The following SGMS1 variants were observed in gnomAD, a reference collection of about 807,000 sequenced individuals.
SGMS1 encodes the protein phosphatidylcholine:ceramide cholinephosphotransferase 1.
Under a neutral mutation model 46.2 loss-of-function variants are expected in SGMS1, and 13 were observed. The observed-to-expected ratio is 0.28, with a 90% CI of 0.18 to 0.45. The LOEUF is 0.45. Ranked by LOEUF, SGMS1 falls within the 20% of genes least tolerant of loss-of-function variation. SGMS1 has a pLI of 1.00. For synonymous variants in SGMS1, 203 were observed against 187.8 expected (o/e 1.08, Z -0.66); for missense variants, 324 against 519.9 (o/e 0.62, Z 3.66).
intron 8 of SGMS1, among the ~76,000 whole-genome samples, chr10:50,317,820 T>C (rs896475005): frequency 4.6e-5 from 7 of 150,916 alleles, no homozygotes; most frequent in Non-Finnish European, 7.4e-5. Flanking sequence ...TTTTTTTTTT[T>C]AGACAGTCTC....
intron 8 of SGMS1, among the ~76,000 whole-genome samples, chr10:50,312,736 A>G (rs1847276810): frequency 6.6e-6 from 1 of 152,228 alleles, no homozygotes; most frequent in African/African-American, 2.4e-5. Flanking sequence ...AAAAATATTT[A>G]CCGCTTATAT....
At chr10:50,364,996 G>A (rs894239670) in intron 6 of SGMS1, among the ~76,000 whole-genome samples, 11 of 152,028 alleles carry the variant, frequency 7.2e-5, no homozygotes, top group African/African-American at 2.7e-4. Flanking sequence ...GAGCATGGTG[G>A]CTCACACCTG....
chr10:50,339,557 T>G (rs1351455200), intron 7 of SGMS1, among the ~76,000 whole-genome samples: 2 of 152,216 alleles, frequency 1.3e-5, no homozygotes, highest in African/African-American at 2.4e-5. Context: ...CTGCCTCCCT[T>G]ACACTGGCCA....
At chr10:50,534,128 A>G (rs996923090) in intron 2 of SGMS1, among the ~76,000 whole-genome samples, 2 of 143,212 alleles carry the variant, frequency 1.4e-5, no homozygotes, top group African/African-American at 6.1e-5. Flanking sequence ...ACCTATCTGC[A>G]CACACACATT....
chr10:50,391,561 C>T (rs910806692), intron 6 of SGMS1, among the ~76,000 whole-genome samples: 35 of 152,052 alleles, frequency 2.3e-4, no homozygotes, highest in African/African-American at 8.2e-4. Flanking sequence ...ACTTACACAC[C>T]GCTGGTGGGA....
intron 3 of SGMS1, among the ~76,000 whole-genome samples, chr10:50,475,238 C>T (rs532996703): frequency 7.9e-5 from 12 of 152,244 alleles, no homozygotes; most frequent in African/African-American, 1.4e-4. Flanking sequence ...CCAAACATTA[C>T]ATTTTATTGC....
chr10:50,573,225 G>A (rs867093531), intron 2 of SGMS1, among the ~76,000 whole-genome samples: 9 of 152,238 alleles, frequency 5.9e-5, no homozygotes, highest in Middle Eastern at 6.8e-3. Context: ...GGTACGAGAC[G>A]TCCCAGCCAG....
intron 2 of SGMS1, among the ~76,000 whole-genome samples, chr10:50,545,243 C>T (rs1838090609): frequency 6.6e-6 from 1 of 152,152 alleles, no homozygotes; most frequent in Non-Finnish European, 1.5e-5. Flanking sequence ...AGTGACCATC[C>T]TTTAAAAATG....
intron 8 of SGMS1, among the ~76,000 whole-genome samples, chr10:50,319,636 T>C (rs988986521): frequency 6.6e-6 from 1 of 152,212 alleles, no homozygotes; most frequent in Non-Finnish European, 1.5e-5. Context: ...TATAGAATAT[T>C]GCTTGATTTG....
intron 7 of SGMS1, among the ~76,000 whole-genome samples, chr10:50,333,024 C>T (rs180844503): frequency 6.6e-6 from 1 of 152,278 alleles, no homozygotes; most frequent in Admixed American, 6.5e-5. Flanking sequence ...TGCTATAATC[C>T]TATGCATCTA....
chr10:50,537,443 A>G (rs11819203), intron 2 of SGMS1, among the ~76,000 whole-genome samples: 1 of 138,988 alleles, frequency 7.2e-6, no homozygotes, highest in Non-Finnish European at 1.6e-5. Context: ...TTTTCTTTAT[A>G]TATATATATA....
At chr10:50,562,163 C>T (rs949761280) in intron 2 of SGMS1, among the ~76,000 whole-genome samples, 8 of 152,120 alleles carry the variant, frequency 5.3e-5, no homozygotes, top group African/African-American at 1.9e-4. Flanking sequence ...ACTCAACCTT[C>T]ACCAAAATGA....
upstream of SGMS1, chr10:50,623,959 C>A (rs981857989): frequency 1.0e-6 from 1 of 985,594 alleles, no homozygotes; most frequent in Non-Finnish European, 1.2e-6. Flanking sequence ...CCCGGGCTGC[C>A]GAGCATGCCC....
At chr10:50,522,636 T>C (rs913663936) in intron 2 of SGMS1, among the ~76,000 whole-genome samples, 1 of 152,150 alleles carries the variant, frequency 6.6e-6, no homozygotes, top group Admixed American at 6.6e-5. Context: ...ATTTTACACT[T>C]GGTTAAGATG....
chr10:50,483,517 G>A (rs11516712), intron 3 of SGMS1, among the ~76,000 whole-genome samples: 19,933 of 152,030 alleles, frequency 0.13, 1,415 homozygotes, highest in Middle Eastern at 0.22. Flanking sequence ...TTCAGGACTT[G>A]AACTCAGCTC....
rs183486699 is a variant in SGMS1 at position 50,489,742 on chromosome 10, A to C, written c.-497-22810T>G. Among the ~76,000 whole-genome samples the C allele has an allele frequency of 5.7e-3, 866 of 152,202 alleles. 10 individuals are homozygous for C. Among genetic ancestry groups the C allele is most frequent in the African/African-American group, 0.02 (829 of 41,540 alleles). On this transcript the variant is annotated intron_variant, in intron 3 of 10. Coordinates refer to ENST00000361781, the MANE Select transcript of SGMS1 (RefSeq NM_147156.4). ...TGTAATCCCAGCACTTTGGGAGGCT[A>C]AGGTGGGTAGATCATGAGGTCAGGA...
rs554661865 is a variant in SGMS1, at chr10:50,369,725, G to C, written c.-231-25380C>G. On this transcript the variant is annotated intron_variant, in intron 6 of 10. Transcript: ENST00000361781. ...ACTGAAAAGAACCAGTTTCAACAAA[G>C]ATCCAAGTTCTGCCAATTCTACCTC... Among the ~76,000 whole-genome samples the C allele has an allele frequency of 3.9e-5, 6 of 152,256 alleles. No individual in the cohort carries two copies. In the South Asian group the frequency reaches 1.2e-3, roughly 32 times the overall value.
intron 2 of SGMS1, among the ~76,000 whole-genome samples, chr10:50,586,015 T>C (rs767151256): frequency 6.6e-5 from 10 of 152,250 alleles, no homozygotes; most frequent in Non-Finnish European, 1.0e-4. Context: ...GTAGGCCATA[T>C]GGTCACTGTT....
At chr10:50,408,445 A>C (rs1244303573) in intron 6 of SGMS1, among the ~76,000 whole-genome samples, 22 of 146,964 alleles carry the variant, frequency 1.5e-4, no homozygotes, top group East Asian at 9.7e-4. Flanking sequence ...AAAAAAAAAA[A>C]AAAAAAAAAA....
Sources: allele counts gnomAD v4.1 joint callset (sites outside exome capture counted in the v4.1 genomes callset), GRCh38; gene constraint gnomAD v4.1.1; transcripts MANE v1.5; gene names NCBI Gene and HGNC (gene_info 2026-07-23, HGNC 2026-07-21).